Variants in ACBD6 observed in about 807,000 individuals in gnomAD.
ACBD6 encodes the protein acyl-CoA binding domain containing 6.
ACBD6 carries 28 observed loss-of-function variants against 37.2 expected under a neutral mutation model. The observed-to-expected ratio is 0.75, with a 90% CI of 0.56 to 1.03. The LOEUF is 1.03. ACBD6 is among the 50% of genes least tolerant of loss of function. The pLI, the probability that ACBD6 is intolerant of heterozygous loss-of-function variation, is 0.00. For synonymous variants in ACBD6, 113 were observed against 126.8 expected (o/e 0.89, Z 0.73); for missense variants, 340 against 337.4 (o/e 1.01, Z -0.06).
rs149366406 is a variant in ACBD6, at chr1:180,347,175, C to T, written c.664-32453G>A. 2.0e-5 allele frequency among the ~76,000 whole-genome samples: 3 copies of T among 152,182 alleles called. No individual in the cohort carries two copies. The East Asian group carries it at 5.8e-4, about 29-fold the overall frequency. ...GGTGAAAAGTACCTTGAAAGATATA[C>T]ATAAAGAGCCTGAAATAGGCTTTGG... On this transcript the variant is annotated intron_variant, in intron 6 of 7. Coordinates refer to ENST00000367595, the MANE Select transcript of ACBD6 (RefSeq NM_032360.4).
chr1:180,323,387 G>A (rs80223698), intron 6 of ACBD6, among the ~76,000 whole-genome samples: 10,959 of 152,024 alleles, frequency 0.072, 429 homozygotes, highest in African/African-American at 0.11. Context: ...ACAGTCATTC[G>A]ATGAAATGTT....
At chr1:180,432,574 T>A (rs1557868070) in intron 3 of ACBD6, among the ~76,000 whole-genome samples, 1 of 152,134 alleles carries the variant, frequency 6.6e-6, no homozygotes, top group Non-Finnish European at 1.5e-5. Flanking sequence ...CCTATTGGAA[T>A]GGCTAAAATC....
intron 3 of ACBD6, among the ~76,000 whole-genome samples, chr1:180,439,308 G>A (rs1649184847): frequency 6.6e-6 from 1 of 152,118 alleles, no homozygotes; most frequent in Non-Finnish European, 1.5e-5. Flanking sequence ...GGAGGGGCCG[G>A]GTGTGGGGGC....
chr1:180,330,967 T>C (rs1323922468), intron 6 of ACBD6, among the ~76,000 whole-genome samples: 3 of 152,248 alleles, frequency 2.0e-5, no homozygotes, highest in African/African-American at 4.8e-5. Flanking sequence ...AAATTTGCCA[T>C]CAGGGTAGTG....
At chr1:180,442,052 T>C (rs945154097) in intron 3 of ACBD6, among the ~76,000 whole-genome samples, 3 of 152,230 alleles carry the variant, frequency 2.0e-5, no homozygotes, top group African/African-American at 7.2e-5. Flanking sequence ...GAGTATAGAA[T>C]TACAGGTTGG....
At chr1:180,485,792 A>G (rs1651240664) in intron 3 of ACBD6, among the ~76,000 whole-genome samples, 1 of 152,140 alleles carries the variant, frequency 6.6e-6, no homozygotes, top group African/African-American at 2.4e-5. Context: ...AATGATGGGG[A>G]TGTATCAAAA....
intron 3 of ACBD6, among the ~76,000 whole-genome samples, chr1:180,461,769 T>C (rs966420944): frequency 3.3e-5 from 5 of 152,160 alleles, no homozygotes; most frequent in Admixed American, 6.5e-5. Flanking sequence ...CAGGAGCTCC[T>C]GAAGGAAGCA....
chr1:180,485,645 A>C (rs1025502911), intron 3 of ACBD6, among the ~76,000 whole-genome samples: 3 of 152,188 alleles, frequency 2.0e-5, no homozygotes, highest in African/African-American at 7.2e-5. Context: ...CCTTCTTTCC[A>C]ACACCTCCAC....
intron 6 of ACBD6, among the ~76,000 whole-genome samples, chr1:180,336,902 C>G (rs1382519225): frequency 2.0e-5 from 3 of 152,144 alleles, no homozygotes; most frequent in Admixed American, 6.5e-5. Flanking sequence ...ACTAGAAAAT[C>G]TAGAAGAAAT....
chr1:180,401,454 G>T (rs1028830821), intron 5 of ACBD6, among the ~76,000 whole-genome samples: 2 of 151,564 alleles, frequency 1.3e-5, no homozygotes, highest in Admixed American at 1.3e-4. Context: ...TTTTTAATTA[G>T]ACTTTTCTCC....
At chr1:180,359,142 T>C (rs1424634523) in intron 6 of ACBD6, among the ~76,000 whole-genome samples, 1 of 152,176 alleles carries the variant, frequency 6.6e-6, no homozygotes. Flanking sequence ...CCCACGGCAA[T>C]TTCAAAGTCA....
At chr1:180,335,330 A>G (rs1486951404) in intron 6 of ACBD6, among the ~76,000 whole-genome samples, 1 of 152,202 alleles carries the variant, frequency 6.6e-6, no homozygotes, top group Non-Finnish European at 1.5e-5. Context: ...AAACTCTACA[A>G]GCCAGGAGAG....
chr1:180,298,495 T>A (rs1478511921), intron 7 of ACBD6, among the ~76,000 whole-genome samples: 1 of 152,206 alleles, frequency 6.6e-6, no homozygotes, highest in African/African-American at 2.4e-5. Flanking sequence ...TAATTACATT[T>A]ATGCTGTATG....
In ACBD6 at chr1:180,430,871, A is replaced by C. The variant is rs1228645794; in HGVS notation, c.385-609T>G. Among the ~76,000 whole-genome samples, 4 of 152,124 alleles carry C rather than the reference A, an allele frequency of 2.6e-5. No individual in the cohort carries two copies. In the East Asian group the frequency reaches 7.7e-4, roughly 29 times the overall value. On this transcript the variant is annotated intron_variant, in intron 3 of 7. Coordinates refer to ENST00000367595, the MANE Select transcript of ACBD6 (RefSeq NM_032360.4). The stretch of plus-strand genomic sequence containing the variant: ...CTCAAAACACACAAGAGTAAAATTA[A>C]TTTAGTAATAAGATTCTTCTAAAAC...
chr1:180,285,921 T>G (rs1649483335), downstream of ACBD6, among the ~76,000 whole-genome samples: 2 of 152,182 alleles, frequency 1.3e-5, no homozygotes, highest in Admixed American at 1.3e-4. Context: ...ACTTCTTACA[T>G]CTTTATTAGA....
At chr1:180,316,289 G>C (rs886128777) in intron 6 of ACBD6, among the ~76,000 whole-genome samples, 1 of 151,870 alleles carries the variant, frequency 6.6e-6, no homozygotes, top group African/African-American at 2.4e-5. Flanking sequence ...ATATTTGTCA[G>C]CTTCCAATGT....
rs1333802889 is a variant in ACBD6, at chr1:180,388,142, C to T, written c.663+9374G>A. 6.1e-5 allele frequency among the ~76,000 whole-genome samples: 9 copies of T among 148,222 alleles called. No homozygotes were observed. The East Asian group carries it at 1.6e-3, about 26-fold the overall frequency. On this transcript the variant is annotated intron_variant, in intron 6 of 7. Coordinates refer to ENST00000367595, the MANE Select transcript of ACBD6 (RefSeq NM_032360.4). ...AGTGAGCCAAGATCGCGCCACGGCACTCCAGCCTGGGTGACAGAGCGAGAC... is the reference window on the plus strand; with the variant it reads ...AGTGAGCCAAGATCGCGCCACGGCATTCCAGCCTGGGTGACAGAGCGAGAC...
intron 3 of ACBD6, among the ~76,000 whole-genome samples, chr1:180,490,951 C>T (rs145358930): frequency 1.8e-3 from 223 of 120,788 alleles, no homozygotes; most frequent in Middle Eastern, 5.2e-3. Flanking sequence ...GAGTGAGACT[C>T]TGTCTCATAT....
chr1:180,444,215 A>G (rs1649392929), intron 3 of ACBD6, among the ~76,000 whole-genome samples: 1 of 151,932 alleles, frequency 6.6e-6, no homozygotes. Flanking sequence ...GAATATTTTT[A>G]AAAATAAGAA....
Sources: allele counts gnomAD v4.1 joint callset (sites outside exome capture counted in the v4.1 genomes callset), GRCh38; gene constraint gnomAD v4.1.1; transcripts MANE v1.5; gene names NCBI Gene and HGNC (gene_info 2026-07-23, HGNC 2026-07-21).